SH3GL1: variants seen among roughly 807,000 people sequenced by gnomAD.
SH3GL1 encodes the protein SH3 domain containing GRB2 like 1, endophilin A2.
Under a neutral mutation model 48.8 loss-of-function variants are expected in SH3GL1, and 21 were observed. That is an observed-to-expected ratio of 0.43 (90% CI 0.30 to 0.62). The LOEUF (loss-of-function observed/expected upper bound fraction) is 0.62, where lower values mean the gene tolerates loss of function less well. SH3GL1 is among the 20% of genes least tolerant of loss of function. The probability of loss-of-function intolerance (pLI) is 0.11; values close to 1 mark genes in which losing one functional copy is unlikely to be tolerated. For synonymous variants in SH3GL1, 282 were observed against 217.5 expected (o/e 1.30, Z -2.61); for missense variants, 454 against 503.0 (o/e 0.90, Z 0.93).
At chr19:4,375,989 A>G (rs929050639) in intron 1 of SH3GL1, among the ~76,000 whole-genome samples, 1 of 152,200 alleles carries the variant, frequency 6.6e-6, no homozygotes, top group Non-Finnish European at 1.5e-5. Context: ...ACAGCTCCTC[A>G]AAAGGAGCTG....
intron 1 of SH3GL1, among the ~76,000 whole-genome samples, chr19:4,398,797 A>T (rs1369055833): frequency 6.6e-6 from 1 of 152,204 alleles, no homozygotes; most frequent in Non-Finnish European, 1.5e-5. Context: ...TTCCAAAAAA[A>T]ACCCTTTATC....
intron 1 of SH3GL1, among the ~76,000 whole-genome samples, chr19:4,370,882 G>C (rs936464596): frequency 1.3e-5 from 2 of 152,256 alleles, no homozygotes; most frequent in Non-Finnish European, 2.9e-5. Context: ...TTGCCTGCCG[G>C]ACACTTCCCC....
At chr19:4,372,857 G>A (rs982691857) in intron 1 of SH3GL1, among the ~76,000 whole-genome samples, 1 of 152,208 alleles carries the variant, frequency 6.6e-6, no homozygotes, top group African/African-American at 2.4e-5. Flanking sequence ...TGTCCTTCCT[G>A]GAAACCTTCA....
chr19:4,395,153 T>C (rs1478686598), intron 1 of SH3GL1, among the ~76,000 whole-genome samples: 1 of 39,622 alleles, frequency 2.5e-5, no homozygotes, highest in Non-Finnish European at 4.6e-5. Flanking sequence ...TCTAAGTCAC[T>C]GTAAATGGTG....
At chr19:4,391,143 C>T (rs533496133) in intron 1 of SH3GL1, among the ~76,000 whole-genome samples, 2 of 152,286 alleles carry the variant, frequency 1.3e-5, no homozygotes, top group South Asian at 2.1e-4. Context: ...CACACACAGA[C>T]ATCTGAGGGG....
intron 1 of SH3GL1, among the ~76,000 whole-genome samples, chr19:4,374,237 G>A (rs1972960877): frequency 6.6e-6 from 1 of 152,226 alleles, no homozygotes; most frequent in East Asian, 1.9e-4. Context: ...AAGAAGTCAC[G>A]CAGACGAAGT....
chr19:4,387,702 G>A (rs922284861), intron 1 of SH3GL1, among the ~76,000 whole-genome samples: 1 of 151,994 alleles, frequency 6.6e-6, no homozygotes, highest in South Asian at 2.1e-4. Flanking sequence ...TTACTGTGCG[G>A]GGTTTTTTGT....
rs1253724840 is a variant in SH3GL1, at chr19:4,364,082, C to G, written c.465+6G>C. Reference sequence around the variant, plus strand: ...GACAGGCCCCAGGCTGGCGCAGGAGCAGCACCTGGATCTCCTTCAGGTCTT... The same window carrying G: ...GACAGGCCCCAGGCTGGCGCAGGAGGAGCACCTGGATCTCCTTCAGGTCTT... On this transcript the variant is annotated splice_donor_region_variant and intron_variant, in intron 5 of 9. Coordinates refer to ENST00000269886, the MANE Select transcript of SH3GL1 (RefSeq NM_003025.4). 6.2e-7 allele frequency: 1 copy of G among 1,611,946 alleles called. No homozygotes were observed. The highest frequency in any genetic ancestry group is 1.7e-5 in the Admixed American group (1 of 60,006).
At chr19:4,375,000 C>A (rs953234451) in intron 1 of SH3GL1, among the ~76,000 whole-genome samples, 1 of 152,202 alleles carries the variant, frequency 6.6e-6, no homozygotes, top group African/African-American at 2.4e-5. Context: ...TAATGACCGG[C>A]AGCCCTGGGG....
rs567855692 is a variant in SH3GL1 at position 4,361,194 on chromosome 19, G to A, written c.*406C>T. On this transcript the variant is annotated 3_prime_UTR_variant, in exon 10 of 10. Coordinates refer to ENST00000269886, the MANE Select transcript of SH3GL1 (RefSeq NM_003025.4). ...CTCGATCCCATCCTGTTAAGGCTGCGGGACTCGAGGGTAGGCAGTGGGCCG... is the reference window on the plus strand; with the variant it reads ...CTCGATCCCATCCTGTTAAGGCTGCAGGACTCGAGGGTAGGCAGTGGGCCG... The A allele has an allele frequency of 2.5e-3, 742 of 293,324 alleles. 5 individuals are homozygous for A. The highest frequency in any genetic ancestry group is 0.021 in the Middle Eastern group (22 of 1,038). 18.2% of individuals were successfully genotyped at this position (293,324 alleles called of 1,614,324 possible).
Position 4,400,265 on chromosome 19 carries a change from C to T in SH3GL1, c.45+59G>A, listed in dbSNP as rs915614659. The T allele has an allele frequency of 5.1e-6, 8 of 1,562,198 alleles. No homozygotes were observed. In the Admixed American group the frequency reaches 8.7e-5, roughly 17 times the overall value. Reference sequence around the variant, plus strand: ...CCCTCCCGGGCCAGGTCGGGCCTGGCTCCCTCATCCGGGCAGCCCGGGGCC... The same window carrying T: ...CCCTCCCGGGCCAGGTCGGGCCTGGTTCCCTCATCCGGGCAGCCCGGGGCC... On this transcript the variant is annotated intron_variant, in intron 1 of 9. Transcript: ENST00000269886. This position sits in a 1 kb window ranked among gnomAD's most constrained non-coding sequence, Gnocchi z 4.1.
In SH3GL1 at chr19:4,360,890, G is replaced by C. The variant is rs759065502; in HGVS notation, c.*710C>G. ...ATGGGGGCAGTTAAAAAGCTGAAAAGGTACTTGGCTTTCTGAGGGCGGGGC... is the reference window on the plus strand; with the variant it reads ...ATGGGGGCAGTTAAAAAGCTGAAAACGTACTTGGCTTTCTGAGGGCGGGGC... On this transcript the variant is annotated 3_prime_UTR_variant, in exon 10 of 10. Coordinates refer to ENST00000269886, the MANE Select transcript of SH3GL1 (RefSeq NM_003025.4). 8.6e-6 allele frequency: 2 copies of C among 233,520 alleles called. No individual in the cohort carries two copies. The highest frequency in any genetic ancestry group is 1.7e-5 in the Non-Finnish European group (2 of 118,278). The allele number at this position is 233,520 out of a possible 1,614,324, so 14.5% of individuals were successfully genotyped here.
rs1270720027 is a variant in SH3GL1 at position 4,361,687 on chromosome 19, A to G, written c.1020T>C (p.Asp340=). The change falls in exon 10 of 10, where the codon GAT becomes GAC. Residue 340 remains aspartate (D), a synonymous_variant. Coordinates refer to ENST00000269886, the MANE Select transcript of SH3GL1 (RefSeq NM_003025.4). Reference sequence around the variant, plus strand: ...CCAGCATGCCCTCGTACCAGTTCTCATCGATCTGGTTGGTCAGCGTGATGA... The same window carrying G: ...CCAGCATGCCCTCGTACCAGTTCTCGTCGATCTGGTTGGTCAGCGTGATGA... ...GDVITLTNQI[D]ENWYEGMLDG... is the part of the protein sequence containing the mutation. 6.2e-7 allele frequency: 1 copy of G among 1,608,392 alleles called. No homozygotes were observed. The highest frequency in any genetic ancestry group is 8.5e-7 in the Non-Finnish European group (1 of 1,175,510).
chr19:4,391,122 T>C (rs1301844118), intron 1 of SH3GL1, among the ~76,000 whole-genome samples: 1 of 151,870 alleles, frequency 6.6e-6, no homozygotes, highest in African/African-American at 2.4e-5. Context: ...GAGGAAAAAA[T>C]GCAACAGACA....
intron 9 of SH3GL1, 145 bp downstream of exon 9, chr19:4,362,184 G>T: frequency 1.2e-6 from 1 of 853,636 alleles, no homozygotes. Flanking sequence ...CATCTTGCAG[G>T]CTGTGGGGCC....
intron 9 of SH3GL1, 58 bp downstream of exon 9, chr19:4,362,271 C>T (rs1236454322): frequency 6.5e-7 from 1 of 1,539,038 alleles, no homozygotes; most frequent in Non-Finnish European, 8.9e-7. Flanking sequence ...GGAGAAACAC[C>T]CTCCCCGAAT....
At chr19:4,380,652 G>C (rs894389006) in intron 1 of SH3GL1, among the ~76,000 whole-genome samples, 1 of 152,228 alleles carries the variant, frequency 6.6e-6, no homozygotes, top group Non-Finnish European at 1.5e-5. Context: ...CTTCAGGACA[G>C]TCGGCGGTTT....
intron 8 of SH3GL1, 106 bp downstream of exon 8, chr19:4,362,506 A>G: frequency 6.3e-7 from 1 of 1,579,758 alleles, no homozygotes; most frequent in Non-Finnish European, 8.6e-7. Flanking sequence ...CACGGCTGAG[A>G]GCTGCACCCA....
intron 1 of SH3GL1, among the ~76,000 whole-genome samples, chr19:4,398,937 C>G (rs1973470097): frequency 6.6e-6 from 1 of 152,090 alleles, no homozygotes; most frequent in Admixed American, 6.6e-5. Flanking sequence ...ACAGAAAATT[C>G]CGGTAAACAA....
Sources: allele counts gnomAD v4.1 joint callset (sites outside exome capture counted in the v4.1 genomes callset), GRCh38; gene constraint gnomAD v4.1.1; non-coding constraint Gnocchi (gnomAD v3.1); transcripts MANE v1.5; gene names NCBI Gene and HGNC (gene_info 2026-07-23, HGNC 2026-07-21).